The following GRIN2A variants were observed in gnomAD, a reference collection of about 807,000 sequenced individuals.
GRIN2A encodes the protein glutamate ionotropic receptor NMDA type subunit 2A, also known as glutamate receptor ionotropic, NMDA 2A.
In GRIN2A, 22 loss-of-function variants were observed where a neutral mutation model predicts 113.4. That is an observed-to-expected ratio of 0.19 (90% CI 0.14 to 0.28). The LOEUF is 0.28. Among genes scored for constraint, GRIN2A ranks in the 10% least tolerant of loss-of-function variants. The probability of loss-of-function intolerance (pLI) is 1.00; values close to 1 mark genes in which losing one functional copy is unlikely to be tolerated. For synonymous variants in GRIN2A, 827 were observed against 738.4 expected, an observed-to-expected ratio of 1.12 and a Z score of -1.94; for missense variants, 1,502 against 1,887.0, an observed-to-expected ratio of 0.80 and a Z score of 3.78.
chr16:9,775,319 G>C (rs1344690931), intron 11 of GRIN2A, among the ~76,000 whole-genome samples: 2 of 152,174 alleles, frequency 1.3e-5, no homozygotes, highest in Admixed American at 1.3e-4. Context: ...TTCATGTCTG[G>C]TCAAGGAAGC....
intron 2 of GRIN2A, among the ~76,000 whole-genome samples, chr16:10,020,321 T>G (rs1485589966): frequency 6.6e-6 from 1 of 152,204 alleles, no homozygotes; most frequent in Admixed American, 6.5e-5. Context: ...AGAGGCTCAT[T>G]GAAACTCTTT....
intron 4 of GRIN2A, among the ~76,000 whole-genome samples, chr16:9,883,214 T>C (rs2141460219): frequency 6.6e-6 from 1 of 152,298 alleles, no homozygotes; most frequent in East Asian, 1.9e-4. Flanking sequence ...AAAATTGTCA[T>C]CATAGTTATT....
intron 3 of GRIN2A, among the ~76,000 whole-genome samples, chr16:9,897,202 T>TTACATGTTATATATATATATG (rs2043823487): frequency 1.2e-5 from 1 of 86,212 alleles, no homozygotes; most frequent in African/African-American, 6.5e-5. Context: ...ACATATATAT[T>TTACATGTTATATATATATATG]TACATATTTT....
intron 3 of GRIN2A, among the ~76,000 whole-genome samples, chr16:9,896,702 G>T (rs1404163289): frequency 6.6e-6 from 1 of 152,034 alleles, no homozygotes; most frequent in Non-Finnish European, 1.5e-5. Context: ...ACCTCTAACA[G>T]AAATTTCTGC....
At chr16:9,887,048 G>T (rs1045937518) in intron 4 of GRIN2A, among the ~76,000 whole-genome samples, 9 of 151,938 alleles carry the variant, frequency 5.9e-5, no homozygotes, top group African/African-American at 1.7e-4. Context: ...CACCATGCCG[G>T]GCTAATTTTT....
intron 2 of GRIN2A, among the ~76,000 whole-genome samples, chr16:9,939,792 G>A (rs992509513): frequency 6.6e-5 from 10 of 152,114 alleles, no homozygotes; most frequent in African/African-American, 1.9e-4. Context: ...CTTAAACCAC[G>A]TTGTTGACTT....
chr16:9,870,323 C>T (rs951201486), intron 4 of GRIN2A, among the ~76,000 whole-genome samples: 3 of 151,932 alleles, frequency 2.0e-5, no homozygotes, highest in African/African-American at 7.3e-5. Context: ...CTTATGCATA[C>T]ACTTGCTAGT....
chr16:9,785,478 T>C (rs1215232086), intron 11 of GRIN2A, among the ~76,000 whole-genome samples: 3 of 148,312 alleles, frequency 2.0e-5, no homozygotes, highest in African/African-American at 7.4e-5. Context: ...TTAGGAGATA[T>C]ACCTAATGTT....
chr16:10,037,418 G>A (rs909324985), intron 2 of GRIN2A: 3 of 152,304 alleles, frequency 2.0e-5, no homozygotes, highest in African/African-American at 7.2e-5. Flanking sequence ...TCCCCGCCGT[G>A]TGCAGCCCTG....
intron 2 of GRIN2A, among the ~76,000 whole-genome samples, chr16:10,158,516 C>T (rs1424820690): frequency 6.6e-6 from 1 of 152,122 alleles, no homozygotes; most frequent in East Asian, 1.9e-4. Flanking sequence ...ATGGAAACAG[C>T]ACAAATGCCC....
chr16:10,111,501 G>A (rs1356490565), intron 2 of GRIN2A: 5 of 697,922 alleles, frequency 7.2e-6, no homozygotes, highest in Non-Finnish European at 1.3e-5. Flanking sequence ...TTCTCCCATG[G>A]TTCATAGATT....
chr16:10,087,352 G>C (rs1259398536), intron 2 of GRIN2A, among the ~76,000 whole-genome samples: 5 of 152,196 alleles, frequency 3.3e-5, no homozygotes. Context: ...TGTTGGGCTG[G>C]GAGCCAGCGG....
rs61758996 is a variant in GRIN2A at position 9,764,117 on chromosome 16, C to T, written c.3427G>A (p.Glu1143Lys). 1.7e-5 allele frequency: 27 copies of T among 1,613,652 alleles called. No homozygotes were observed. In the East Asian group the frequency reaches 3.8e-4, roughly 23 times the overall value. The change falls in exon 13 of 13, where the codon GAG (glutamate) becomes AAG (lysine). Residue 1143 changes from glutamate (E) to lysine (K), a missense_variant. Glu to Lys is a moderately conservative substitution (Grantham distance 56, BLOSUM62 1). This residue lies in a region of GRIN2A where 832 missense variants were observed against 789.7 expected (regional missense o/e 1.05). Transcript: ENST00000330684. ...TAGGGGTCCGGGAAGTCCACGTTCT[C>T]GGGCAGGGTCACATTTTCAACAAAC... Reference protein sequence around the residue: ...PQFVENVTLPENVDFPDPYQD... With the variant: ...PQFVENVTLPKNVDFPDPYQD...
rs889899092 is a variant in GRIN2A at position 9,756,860 on chromosome 16, C to T, written c.*6289G>A. On this transcript the variant is annotated 3_prime_UTR_variant, in exon 13 of 13. Coordinates refer to ENST00000330684, the MANE Select transcript of GRIN2A (RefSeq NM_001134407.3). ...CCACCTCGCCATCCTTCCTGAAATACACCTCTATTCCTTTTGCCATCTCTT... is the reference window on the plus strand; with the variant it reads ...CCACCTCGCCATCCTTCCTGAAATATACCTCTATTCCTTTTGCCATCTCTT... The T allele has an allele frequency of 5.4e-6, 1 of 184,172 alleles. No homozygotes were observed. The highest frequency in any genetic ancestry group is 2.3e-5 in the African/African-American group (1 of 42,618). 11.4% of individuals were successfully genotyped at this position (184,172 alleles called of 1,614,324 possible).
At chr16:9,868,671 A>G in intron 4 of GRIN2A, among the ~76,000 whole-genome samples, 1 of 152,060 alleles carries the variant, frequency 6.6e-6, no homozygotes, top group East Asian at 1.9e-4. Flanking sequence ...AAAATGCCTG[A>G]CCATGGTCTA....
At chr16:10,146,955 T>C (rs977550100) in intron 2 of GRIN2A, among the ~76,000 whole-genome samples, 3 of 152,080 alleles carry the variant, frequency 2.0e-5, no homozygotes, top group Non-Finnish European at 4.4e-5. Context: ...CCAGTGCAAT[T>C]GGAAATCCTG....
chr16:10,119,923 T>G (rs2048802611), intron 2 of GRIN2A, among the ~76,000 whole-genome samples: 1 of 152,232 alleles, frequency 6.6e-6, no homozygotes, highest in Non-Finnish European at 1.5e-5. Flanking sequence ...TTCATTCTTT[T>G]TATGGCTATG....
chr16:9,841,834 T>C (rs542815404), intron 5 of GRIN2A, among the ~76,000 whole-genome samples: 1 of 152,334 alleles, frequency 6.6e-6, no homozygotes, highest in South Asian at 2.1e-4. Flanking sequence ...AAATTTAAAC[T>C]ATCTTAAAGG....
At chr16:10,104,070 A>G (rs551924541) in intron 2 of GRIN2A, among the ~76,000 whole-genome samples, 86 of 152,360 alleles carry the variant, frequency 5.6e-4, no homozygotes, top group Non-Finnish European at 1.1e-3. Context: ...CGAAGATACA[A>G]TATTTGTGAA....
Sources: gnomAD v4.1 joint callset for allele counts (sites outside exome capture counted in the v4.1 genomes callset) on GRCh38, gnomAD v4.1.1 for gene constraint, gnomAD v4.1.1 regional missense constraint, MANE v1.5 for transcripts, NCBI Gene and HGNC (gene_info 2026-07-23, HGNC 2026-07-21) for gene names.